The following HCN1 variants were observed in gnomAD, a reference collection of about 807,000 sequenced individuals.
HCN1 encodes the protein hyperpolarization activated cyclic nucleotide gated potassium channel 1, also known as potassium/sodium hyperpolarization-activated cyclic nucleotide-gated channel 1.
A neutral mutation model predicts 78.9 loss-of-function variants in HCN1; 13 were observed. The observed-to-expected ratio is 0.16, with a 90% confidence interval of 0.11 to 0.26. The LOEUF is 0.26. HCN1 is among the 10% of genes least tolerant of loss of function. HCN1 has a pLI of 1.00. For synonymous variants in HCN1, 552 were observed against 455.5 expected (o/e 1.21, Z -2.70); for missense variants, 810 against 1,154.3 (o/e 0.70, Z 4.32).
At chr5:45,272,493 T>C (rs1744978484) in intron 6 of HCN1, among the ~76,000 whole-genome samples, 2 of 152,098 alleles carry the variant, frequency 1.3e-5, no homozygotes, top group South Asian at 4.1e-4. Flanking sequence ...ATATCCCTTA[T>C]AGTGCCTGCT....
chr5:45,315,675 A>C (rs1472283352), intron 5 of HCN1, among the ~76,000 whole-genome samples: 1 of 152,198 alleles, frequency 6.6e-6, no homozygotes, highest in Admixed American at 6.5e-5. Flanking sequence ...AGCAAGACTG[A>C]TAAAGAAGAA....
chr5:45,548,213 T>G (rs1186762187), intron 2 of HCN1, among the ~76,000 whole-genome samples: 2 of 151,878 alleles, frequency 1.3e-5, no homozygotes, highest in African/African-American at 4.8e-5. Flanking sequence ...ACTTATAAAC[T>G]TAAAAAAAAC....
intron 4 of HCN1, among the ~76,000 whole-genome samples, chr5:45,355,677 G>C (rs1166209578): frequency 6.6e-6 from 1 of 151,936 alleles, no homozygotes; most frequent in African/African-American, 2.4e-5. Flanking sequence ...GTCACTAAGG[G>C]AGGATGTGTC....
intron 2 of HCN1, among the ~76,000 whole-genome samples, chr5:45,597,975 A>T (rs1225869044): frequency 6.6e-6 from 1 of 152,198 alleles, no homozygotes; most frequent in Non-Finnish European, 1.5e-5. Context: ...ACATCGTGAA[A>T]ATGGCCATAC....
intron 4 of HCN1, among the ~76,000 whole-genome samples, chr5:45,374,675 C>A (rs923854782): frequency 6.7e-6 from 1 of 150,090 alleles, no homozygotes; most frequent in African/African-American, 2.4e-5. Context: ...ATACCAAAAC[C>A]CGGCAGAGAC....
intron 2 of HCN1, among the ~76,000 whole-genome samples, chr5:45,528,233 CCTA>C (rs1742778457): frequency 6.6e-6 from 1 of 151,910 alleles, no homozygotes; most frequent in African/African-American, 2.4e-5. Context: ...TTCCCTAAAT[CCTA>C]CTATTACTGA....
intron 3 of HCN1, among the ~76,000 whole-genome samples, chr5:45,450,242 G>T (rs969955759): frequency 5.3e-5 from 8 of 152,104 alleles, no homozygotes; most frequent in Non-Finnish European, 1.2e-4. Flanking sequence ...ACTGATTAAA[G>T]ATAAACTCCC....
chr5:45,548,086 AGC>A (rs1285670506), intron 2 of HCN1, among the ~76,000 whole-genome samples: 4 of 151,932 alleles, frequency 2.6e-5, no homozygotes, highest in Non-Finnish European at 5.9e-5. Context: ...AAATATCATA[AGC>A]CTCTACTAAT....
chr5:45,446,318 CA>C (rs1740796077), intron 3 of HCN1, among the ~76,000 whole-genome samples: 1 of 152,034 alleles, frequency 6.6e-6, no homozygotes, highest in Non-Finnish European at 1.5e-5. Flanking sequence ...TGAAATGAAG[CA>C]AGAAGGGAAG....
In HCN1 at chr5:45,600,751, T is replaced by C. The variant is rs564872400; in HGVS notation, c.849+44434A>G. On this transcript the variant is annotated intron_variant, in intron 2 of 7. Coordinates refer to ENST00000303230, the MANE Select transcript of HCN1 (RefSeq NM_021072.4). Reference sequence around the variant, plus strand: ...GACCAATTTAAGAAAAAGGCATACATACACAAGATGAATGTCAAATAAGTA... The same window carrying C: ...GACCAATTTAAGAAAAAGGCATACACACACAAGATGAATGTCAAATAAGTA... Among the ~76,000 whole-genome samples, 11 of 152,266 alleles carry C rather than the reference T, an allele frequency of 7.2e-5. No individual in the cohort carries two copies. In the South Asian group the frequency reaches 2.3e-3, roughly 32 times the overall value.
intron 2 of HCN1, chr5:45,644,072 A>C (rs1315449020): frequency 6.6e-6 from 1 of 152,134 alleles, no homozygotes; most frequent in Non-Finnish European, 1.5e-5. Flanking sequence ...AAATCCTGTG[A>C]ACCAAAATGT....
intron 5 of HCN1, among the ~76,000 whole-genome samples, chr5:45,313,698 G>A (rs977617565): frequency 6.6e-6 from 1 of 152,188 alleles, no homozygotes; most frequent in Non-Finnish European, 1.5e-5. Flanking sequence ...GAAAACCATG[G>A]CACGAGAACT....
chr5:45,557,829 T>C (rs1743503236), intron 2 of HCN1: 1 of 152,128 alleles, frequency 6.6e-6, no homozygotes, highest in Non-Finnish European at 1.5e-5. Flanking sequence ...CTGCACCAAC[T>C]GGCCATTGTT....
At chr5:45,539,957 T>TATATATAA (rs1743064238) in intron 2 of HCN1, among the ~76,000 whole-genome samples, 1 of 114,700 alleles carries the variant, frequency 8.7e-6, no homozygotes, top group Admixed American at 9.5e-5. Flanking sequence ...TATATATATA[T>TATATATAA]ATAAAATGTT....
chr5:45,289,128 C>T (rs964055611), intron 6 of HCN1, among the ~76,000 whole-genome samples: 4 of 151,938 alleles, frequency 2.6e-5, no homozygotes, highest in African/African-American at 9.7e-5. Context: ...TGATAAAAAG[C>T]CCATTATCTT....
At chr5:45,435,454 T>G (rs1740543413) in intron 3 of HCN1, among the ~76,000 whole-genome samples, 1 of 152,152 alleles carries the variant, frequency 6.6e-6, no homozygotes, top group Admixed American at 6.5e-5. Context: ...ATGAAATACA[T>G]TTTGCTGTTT....
At chr5:45,333,003 C>T (rs1579817582) in intron 5 of HCN1, among the ~76,000 whole-genome samples, 1 of 151,608 alleles carries the variant, frequency 6.6e-6, no homozygotes, top group Admixed American at 6.6e-5. Flanking sequence ...GGGTATATAC[C>T]CAGCAGTGGG....
At chr5:45,671,858 C>G (rs573473056) in intron 1 of HCN1, among the ~76,000 whole-genome samples, 12 of 151,634 alleles carry the variant, frequency 7.9e-5, no homozygotes, top group Middle Eastern at 3.4e-3. Context: ...TATTTAAGGA[C>G]TTTATCTTTA....
chr5:45,522,201 A>T (rs1742628080), intron 2 of HCN1, among the ~76,000 whole-genome samples: 1 of 152,046 alleles, frequency 6.6e-6, no homozygotes, highest in South Asian at 2.1e-4. Context: ...TGTTAAAAAA[A>T]GTCATGTATC....
Sources: allele counts gnomAD v4.1 joint callset (sites outside exome capture counted in the v4.1 genomes callset), GRCh38; gene constraint gnomAD v4.1.1; transcripts MANE v1.5; gene names NCBI Gene and HGNC (gene_info 2026-07-23, HGNC 2026-07-21).